PRR5L: variants seen among roughly 807,000 people sequenced by gnomAD.
The protein encoded by PRR5L is proline-rich protein 5-like.
A neutral mutation model predicts 36.4 loss-of-function variants in PRR5L; 21 were observed. The ratio of observed to expected loss-of-function variants is 0.58; its 90% CI spans 0.41 to 0.83. PRR5L has a LOEUF of 0.83. Ranked by LOEUF, PRR5L falls within the 40% of genes least tolerant of loss-of-function variation. The pLI is 0.00. For synonymous variants in PRR5L, 188 were observed against 197.0 expected (o/e 0.95, Z 0.38); for missense variants, 381 against 473.3 (o/e 0.80, Z 1.81).
intron 1 of PRR5L, among the ~76,000 whole-genome samples, chr11:36,350,479 G>T (rs770476450): frequency 1.2e-4 from 18 of 152,016 alleles, no homozygotes; most frequent in Non-Finnish European, 2.2e-4. Flanking sequence ...CAGAGAACCA[G>T]TTAAAAAAAG....
At chr11:36,392,378 T>C (rs549267020) in intron 1 of PRR5L, among the ~76,000 whole-genome samples, 1 of 152,212 alleles carries the variant, frequency 6.6e-6, no homozygotes, top group Non-Finnish European at 1.5e-5. Context: ...TTTTTGTTTT[T>C]TGAGGTACCT....
intron 1 of PRR5L, among the ~76,000 whole-genome samples, chr11:36,395,461 A>T (rs1453447927): frequency 6.6e-6 from 1 of 152,250 alleles, no homozygotes; most frequent in Non-Finnish European, 1.5e-5. Context: ...CTCAATAGCC[A>T]TATATGGCTA....
intron 7 of PRR5L, 99 bp from the exon 8 acceptor site, chr11:36,451,110 T>C: frequency 6.9e-7 from 1 of 1,445,644 alleles, no homozygotes; most frequent in South Asian, 1.3e-5. Flanking sequence ...AACACAGCCT[T>C]GTACATTGGA....
intron 1 of PRR5L, among the ~76,000 whole-genome samples, chr11:36,327,812 A>T (rs1323901505): frequency 6.6e-6 from 1 of 152,196 alleles, no homozygotes; most frequent in African/African-American, 2.4e-5. Context: ...AAATCTCTGA[A>T]TCTACTTATG....
intron 1 of PRR5L, among the ~76,000 whole-genome samples, chr11:36,400,508 G>C (rs1857768311): frequency 6.6e-6 from 1 of 152,208 alleles, no homozygotes; most frequent in African/African-American, 2.4e-5. Flanking sequence ...GGGAAGGTGA[G>C]ATGTGCTTGA....
intron 1 of PRR5L, among the ~76,000 whole-genome samples, chr11:36,351,365 T>C (rs1270821842): frequency 5.7e-5 from 5 of 87,600 alleles, no homozygotes; most frequent in Non-Finnish European, 9.7e-5. Flanking sequence ...TATATATAAA[T>C]ATATATACAT....
chr11:36,401,415 A>G (rs924412809), intron 2 of PRR5L, 130 bp downstream of exon 2: 15 of 895,650 alleles, frequency 1.7e-5, no homozygotes, highest in Non-Finnish European at 2.3e-5. Context: ...TAATGACGAG[A>G]GCAAATTTTC....
At chr11:36,423,720 A>C (rs952638589) in intron 4 of PRR5L, among the ~76,000 whole-genome samples, 4 of 152,224 alleles carry the variant, frequency 2.6e-5, no homozygotes, top group African/African-American at 7.2e-5. Context: ...GGCTTTGAAC[A>C]AGTGGAGCGG....
intron 1 of PRR5L, among the ~76,000 whole-genome samples, chr11:36,335,402 GGCA>G (rs1253841906): frequency 5.7e-5 from 3 of 52,406 alleles, no homozygotes; most frequent in Middle Eastern, 0.013. Context: ...CTGCTTGGGT[GGCA>G]GTGTGTGTGT....
At chr11:36,351,349 A>AT (rs1856946053) in intron 1 of PRR5L, among the ~76,000 whole-genome samples, 4 of 83,650 alleles carry the variant, frequency 4.8e-5, no homozygotes, top group Non-Finnish European at 5.9e-5. Flanking sequence ...TATAATATAT[A>AT]ATAAATATAT....
intron 1 of PRR5L, among the ~76,000 whole-genome samples, chr11:36,332,296 A>T (rs1028478315): frequency 6.6e-6 from 1 of 152,180 alleles, no homozygotes; most frequent in Non-Finnish European, 1.5e-5. Flanking sequence ...CAAAACAAAG[A>T]TACAAACAAC....
intron 7 of PRR5L, among the ~76,000 whole-genome samples, chr11:36,446,905 C>G (rs2133618878): frequency 1.3e-5 from 2 of 152,312 alleles, no homozygotes; most frequent in South Asian, 4.1e-4. Flanking sequence ...TTTCTAGTCT[C>G]TACTTGTATC....
At chr11:36,411,061 G>A (rs1438048114) in intron 3 of PRR5L, among the ~76,000 whole-genome samples, 1 of 152,180 alleles carries the variant, frequency 6.6e-6, no homozygotes, top group Non-Finnish European at 1.5e-5. Flanking sequence ...ACTCATCTTG[G>A]CTAACCTGCA....
In PRR5L at chr11:36,302,556, C is replaced by G. The variant is rs538550576; in HGVS notation, c.-126+6118C>G. Among the ~76,000 whole-genome samples, 343 of 152,062 alleles carry G rather than the reference C, an allele frequency of 2.3e-3. 2 individuals carry two copies. Among genetic ancestry groups the G allele is most frequent in the African/African-American group, 7.8e-3 (322 of 41,464 alleles). ...ATCCCAGCACTTTGGGAGGCCAAGG[C>G]AGGCAGATCACCTGAGCTCAGGAGT... On this transcript the variant is annotated intron_variant, in intron 1 of 8. Transcript: ENST00000530639.
chr11:36,339,280 G>A (rs1856796939), intron 1 of PRR5L, among the ~76,000 whole-genome samples: 2 of 152,204 alleles, frequency 1.3e-5, no homozygotes, highest in South Asian at 4.1e-4. Context: ...TTTTAGTAGA[G>A]ACATGGTTTT....
rs566469354 is a variant in PRR5L at position 36,299,329 on chromosome 11, CATCTTGGAGGCCA to C, written c.-126+2902_-126+2914del. On this transcript the variant is annotated intron_variant, in intron 1 of 8. Coordinates refer to ENST00000530639, the MANE Select transcript of PRR5L (RefSeq NM_001160167.2). ...TGACAGTCAACCTCCAGGGACACAGCATCTTGGAGGCCAATCTTGGAGGGTGGGTAGTGGGCAA... is the reference window on the plus strand; with the variant it reads ...TGACAGTCAACCTCCAGGGACACAGCATCTTGGAGGGTGGGTAGTGGGCAA... Among the ~76,000 whole-genome samples the C allele has an allele frequency of 7.3e-4, 111 of 152,286 alleles. 1 individual carries two copies. The highest frequency in any genetic ancestry group is 2.6e-3 in the African/African-American group (108 of 41,544).
intron 1 of PRR5L, among the ~76,000 whole-genome samples, chr11:36,374,095 T>TTCCG (rs1565424737): frequency 5.7e-4 from 68 of 119,696 alleles, no homozygotes; most frequent in Non-Finnish European, 9.4e-4. Flanking sequence ...CCTTCCTTCC[T>TTCCG]TCCTTCCTTC....
intron 1 of PRR5L, among the ~76,000 whole-genome samples, chr11:36,320,294 A>G (rs1306144194): frequency 7.9e-6 from 1 of 127,350 alleles, no homozygotes; most frequent in East Asian, 2.4e-4. Flanking sequence ...TCCAGGCTGG[A>G]GTGCAGTGGT....
chr11:36,312,845 C>T (rs1372814370), intron 1 of PRR5L, among the ~76,000 whole-genome samples: 1 of 152,258 alleles, frequency 6.6e-6, no homozygotes, highest in Non-Finnish European at 1.5e-5. Flanking sequence ...GACCCTGACC[C>T]CTCTACTTGA....
Sources: allele counts gnomAD v4.1 joint callset (sites outside exome capture counted in the v4.1 genomes callset), GRCh38; gene constraint gnomAD v4.1.1; transcripts MANE v1.5; gene names NCBI Gene and HGNC (gene_info 2026-07-23, HGNC 2026-07-21).